The following ACSS1 variants were observed in gnomAD, a reference collection of about 807,000 sequenced individuals.
ACSS1 encodes acetyl-coenzyme A synthetase 2-like, mitochondrial.
A neutral mutation model predicts 75.3 loss-of-function variants in ACSS1; 42 were observed. The observed-to-expected ratio is 0.56, with a 90% CI of 0.44 to 0.72. The LOEUF is 0.72. Among genes scored for constraint, ACSS1 ranks in the 30% least tolerant of loss-of-function variants. The pLI is 0.00. For synonymous variants in ACSS1, 380 were observed against 376.8 expected, an observed-to-expected ratio of 1.01 and a Z score of -0.10; for missense variants, 782 against 935.7, an observed-to-expected ratio of 0.84 and a Z score of 2.14.
At position 25,007,432 on chromosome 20, in the gene ACSS1, C is replaced by T. The variant is rs995070877; in HGVS notation, c.*330G>A. 41 of 1,172,640 alleles carry T rather than the reference C, an allele frequency of 3.5e-5. No individual in the cohort carries two copies. Among genetic ancestry groups the T allele is most frequent in the Middle Eastern group, 3.6e-4 (1 of 2,772 alleles). 72.6% of individuals were successfully genotyped at this position (1,172,640 alleles called of 1,614,324 possible). A position where few individuals can be genotyped will look rare whatever the true frequency, so the allele number is the denominator to read the frequency against. On this transcript the variant is annotated 3_prime_UTR_variant, in exon 14 of 14. Transcript: ENST00000323482. ...TAGCTCTGTGTTATCTGAGCAGGCG[C>T]GCTATCCCAGGGCCTCACCTTCCTG...
At chr20:25,018,943 C>T (rs2088568665) in intron 7 of ACSS1, among the ~76,000 whole-genome samples, 2 of 152,212 alleles carry the variant, frequency 1.3e-5, no homozygotes, top group Non-Finnish European at 2.9e-5. Flanking sequence ...AGGTAGGTCT[C>T]ATCCCCATCT....
At chr20:25,031,898 G>C (rs1323807734) in intron 2 of ACSS1, among the ~76,000 whole-genome samples, 2 of 152,228 alleles carry the variant, frequency 1.3e-5, no homozygotes, top group African/African-American at 2.4e-5. Flanking sequence ...AATCAACACA[G>C]TCGAGGGGCA....
At chr20:25,030,649 G>T in intron 3 of ACSS1, 110 bp downstream of exon 3, 2 of 1,243,600 alleles carry the variant, frequency 1.6e-6, no homozygotes, top group Non-Finnish European at 2.3e-6. Context: ...TCATTTGTCT[G>T]TGTGACATTA....
intron 10 of ACSS1, 79 bp from the exon 11 acceptor site, chr20:25,013,018 T>G: frequency 1.0e-5 from 16 of 1,596,694 alleles, no homozygotes; most frequent in Middle Eastern, 1.7e-4. Flanking sequence ...CGTGAAGCTC[T>G]GCAGCCCAGC....
Position 25,044,235 on chromosome 20 carries a change from G to A in ACSS1, c.431+3850C>T, listed in dbSNP as rs771688843. 1.9e-3 allele frequency among the ~76,000 whole-genome samples: 287 copies of A among 152,308 alleles called. 2 individuals carry two copies. Among genetic ancestry groups the A allele is most frequent in the Non-Finnish European group, 2.8e-3 (192 of 68,032 alleles). On this transcript the variant is annotated intron_variant, in intron 2 of 13. Transcript: ENST00000323482. ...GCCTCATTCATCTACCTGGGCCACC[G>A]CTTTTCCGAAAGAGAGGAACTTGCA...
At chr20:25,027,298 A>G (rs1450269848) in intron 3 of ACSS1, among the ~76,000 whole-genome samples, 1 of 152,240 alleles carries the variant, frequency 6.6e-6, no homozygotes, top group Non-Finnish European at 1.5e-5. Flanking sequence ...TTATGAGGCC[A>G]GCATTACCCT....
intron 2 of ACSS1, among the ~76,000 whole-genome samples, chr20:25,043,318 C>T (rs961683923): frequency 2.0e-5 from 3 of 152,200 alleles, no homozygotes; most frequent in Non-Finnish European, 2.9e-5. Flanking sequence ...TGGCTGTGTT[C>T]GAAGACATCC....
At position 25,020,048 on chromosome 20, in the gene ACSS1, T is replaced by C; in HGVS notation, c.1208A>G (p.Lys403Arg). The C allele has an allele frequency of 3.1e-6, 5 of 1,614,216 alleles. No homozygotes were observed. In the South Asian group the frequency reaches 5.5e-5, roughly 18 times the overall value. The change falls in exon 7 of 14, where the codon AAG becomes AGG. Residue 403 changes from lysine (K) to arginine (R), a missense_variant. Physicochemically the swap from Lys to Arg is conservative, Grantham distance 26. This residue lies in a region of ACSS1 where 405 missense variants were observed against 552.6 expected (regional missense o/e 0.73). Coordinates refer to ENST00000323482, the MANE Select transcript of ACSS1 (RefSeq NM_032501.4). Reference sequence around the variant, plus strand: ...CCGCAGGGAGGAGCGATCATACTTCTTCACCCAGGCATCACCGTATTTCAG... The same window carrying C: ...CCGCAGGGAGGAGCGATCATACTTCCTCACCCAGGCATCACCGTATTTCAG... ...LLLKYGDAWV[K>R]KYDRSSLRTL... is the part of the protein sequence containing the mutation.
chr20:25,034,237 G>C (rs541233367), intron 2 of ACSS1, among the ~76,000 whole-genome samples: 15 of 152,280 alleles, frequency 9.9e-5, no homozygotes, highest in African/African-American at 3.4e-4. Flanking sequence ...ACCTCATGGG[G>C]CCACATCTCT....
chr20:25,024,975 C>T (rs1288813915), intron 3 of ACSS1, among the ~76,000 whole-genome samples: 1 of 152,218 alleles, frequency 6.6e-6, no homozygotes, highest in African/African-American at 2.4e-5. Flanking sequence ...CTGGGGAAAC[C>T]AAGTCAGTTG....
At chr20:25,029,047 T>C (rs1010712361) in intron 3 of ACSS1, among the ~76,000 whole-genome samples, 2 of 152,186 alleles carry the variant, frequency 1.3e-5, no homozygotes, top group Non-Finnish European at 2.9e-5. Flanking sequence ...TCCATTAAAA[T>C]TTAAAACTTT....
chr20:25,044,709 T>C (rs964257785), intron 2 of ACSS1, among the ~76,000 whole-genome samples: 24 of 152,224 alleles, frequency 1.6e-4, no homozygotes, highest in African/African-American at 5.1e-4. Flanking sequence ...GAGTGCTGCC[T>C]GGCCCCACAG....
chr20:25,046,765 G>C, intron 2 of ACSS1: 3 of 779,176 alleles, frequency 3.9e-6, no homozygotes, highest in Non-Finnish European at 7.2e-6. Flanking sequence ...GCACACTCCA[G>C]TGTGCAGGGG....
At chr20:25,037,830 C>G (rs906300989) in intron 2 of ACSS1, among the ~76,000 whole-genome samples, 2 of 152,358 alleles carry the variant, frequency 1.3e-5, no homozygotes, top group Non-Finnish European at 1.5e-5. Flanking sequence ...GACTCCTTCC[C>G]TCCTGGCAGC....
At chr20:25,022,461 A>T (rs886685556) in intron 5 of ACSS1, among the ~76,000 whole-genome samples, 4 of 152,220 alleles carry the variant, frequency 2.6e-5, no homozygotes, top group African/African-American at 9.6e-5. Flanking sequence ...TGGGTCACAA[A>T]ACTATCAAAA....
Position 25,015,226 on chromosome 20 carries a change from T to A in ACSS1, c.1251A>T (p.Gly417=). 6.2e-7 allele frequency: 1 copy of A among 1,606,932 alleles called. No homozygotes were observed. Among genetic ancestry groups the A allele is most frequent in the African/African-American group, 1.3e-5 (1 of 74,840 alleles). The change falls in exon 8 of 14, where the codon GGA becomes GGT. Residue 417 remains glycine (G), a synonymous_variant. Transcript: ENST00000323482. ...RSSLRTLGSV[G]EPINCEAWEW... Reference sequence around the variant, plus strand: ...CCCAGGCCTCACAGTTGATGGGCTCTCCCACTGAAACCACACAGAAAGAAA... The same window carrying A: ...CCCAGGCCTCACAGTTGATGGGCTCACCCACTGAAACCACACAGAAAGAAA...
At chr20:25,020,206 C>T in intron 6 of ACSS1, 59 bp from the exon 7 acceptor site, 1 of 1,607,094 alleles carries the variant, frequency 6.2e-7, no homozygotes, top group Admixed American at 1.7e-5. Flanking sequence ...ACTTTAAACT[C>T]AGAGATCAGC....
At chr20:25,015,313 G>GT in intron 7 of ACSS1, 83 bp from the exon 8 acceptor site, 1 of 1,273,356 alleles carries the variant, frequency 7.9e-7, no homozygotes, top group Non-Finnish European at 1.1e-6. Context: ...TTTGTTTTTT[G>GT]TTTTTGTTTT....
intron 3 of ACSS1, among the ~76,000 whole-genome samples, chr20:25,027,798 GA>G (rs2088750190): frequency 7.9e-6 from 1 of 125,982 alleles, no homozygotes; most frequent in Non-Finnish European, 1.7e-5. Flanking sequence ...AAAAAAAAAA[GA>G]AATAAAAGAC....
Sources: gnomAD v4.1 joint callset for allele counts (sites outside exome capture counted in the v4.1 genomes callset) on GRCh38, gnomAD v4.1.1 for gene constraint, gnomAD v4.1.1 regional missense constraint, MANE v1.5 for transcripts, NCBI Gene and HGNC (gene_info 2026-07-23, HGNC 2026-07-21) for gene names.